The following BCKDHB variants were observed in gnomAD, a reference collection of about 807,000 sequenced individuals.
The protein encoded by BCKDHB is branched chain keto acid dehydrogenase E1 subunit beta, also known as 2-oxoisovalerate dehydrogenase subunit beta, mitochondrial.
In BCKDHB, 41 loss-of-function variants were observed where a neutral mutation model predicts 48.5. That is an observed-to-expected ratio of 0.85 (90% CI 0.66 to 1.10). BCKDHB has a LOEUF of 1.10. Ranked by LOEUF, BCKDHB falls within the 50% of genes least tolerant of loss-of-function variation. BCKDHB has a pLI of 0.00. For missense variants in BCKDHB, 496 were observed against 494.2 expected (o/e 1.00, Z -0.03); for synonymous variants, 201 against 174.8 (o/e 1.15, Z -1.18).
At chr6:80,296,160 T>C (rs1219185253) in intron 9 of BCKDHB, among the ~76,000 whole-genome samples, 1 of 152,182 alleles carries the variant, frequency 6.6e-6, no homozygotes, top group Admixed American at 6.5e-5. Context: ...TTTTTACCTC[T>C]ATTCTAATGT....
intron 3 of BCKDHB, among the ~76,000 whole-genome samples, chr6:80,138,514 A>G (rs897133994): frequency 1.0e-3 from 156 of 152,060 alleles, no homozygotes; most frequent in Non-Finnish European, 1.4e-3. Flanking sequence ...TCATTGTTCA[A>G]TTCCCACCTA....
chr6:80,107,983 T>C (rs1295745082), intron 1 of BCKDHB, among the ~76,000 whole-genome samples: 2 of 152,168 alleles, frequency 1.3e-5, no homozygotes, highest in Non-Finnish European at 2.9e-5. Flanking sequence ...GTCTTGTGGA[T>C]AAGAATGAAC....
chr6:80,219,636 C>T (rs1775324141), intron 8 of BCKDHB, among the ~76,000 whole-genome samples: 1 of 152,298 alleles, frequency 6.6e-6, no homozygotes, highest in East Asian at 1.9e-4. Context: ...GCGATTTGCT[C>T]TTCCATGGTT....
At chr6:80,237,184 G>A (rs1265120486) in intron 8 of BCKDHB, among the ~76,000 whole-genome samples, 1 of 152,112 alleles carries the variant, frequency 6.6e-6, no homozygotes, top group Non-Finnish European at 1.5e-5. Context: ...TAGAGCAATA[G>A]GATTTTACAC....
intron 8 of BCKDHB, among the ~76,000 whole-genome samples, chr6:80,270,010 TAGAA>T (rs771250735): frequency 6.6e-6 from 1 of 152,084 alleles, no homozygotes; most frequent in South Asian, 2.1e-4. Flanking sequence ...ATAGACAGAA[TAGAA>T]AGAAATAACA....
chr6:80,433,750 C>G, the BCKDHB span, among the ~76,000 whole-genome samples: 547 of 152,032 alleles, frequency 3.6e-3, 2 homozygotes, highest in Admixed American at 5.2e-3. Context: ...CGATGTCTGT[C>G]CTCTGGCTGA....
chr6:80,206,001 G>A (rs904468158), intron 8 of BCKDHB, among the ~76,000 whole-genome samples: 1 of 152,050 alleles, frequency 6.6e-6, no homozygotes, highest in Non-Finnish European at 1.5e-5. Context: ...TTGTGGGGCT[G>A]TAGTGACAAA....
At chr6:80,303,661 G>C (rs1767702049) in intron 9 of BCKDHB, among the ~76,000 whole-genome samples, 1 of 152,098 alleles carries the variant, frequency 6.6e-6, no homozygotes, top group African/African-American at 2.4e-5. Context: ...GTGTGTGTGT[G>C]TGTGTGATCT....
intron 6 of BCKDHB, among the ~76,000 whole-genome samples, chr6:80,178,422 G>C (rs534100518): frequency 6.6e-6 from 1 of 152,132 alleles, no homozygotes. Context: ...AATATCCTTC[G>C]TTAATAGCAC....
At chr6:80,432,222 G>A in the BCKDHB span, among the ~76,000 whole-genome samples, 817 of 152,064 alleles carry the variant, frequency 5.4e-3, 5 homozygotes, top group Middle Eastern at 0.01. Flanking sequence ...TTTGAATGTT[G>A]GCCTGCCTTG....
chr6:80,217,743 A>G (rs1459314030), intron 8 of BCKDHB, among the ~76,000 whole-genome samples: 1 of 152,232 alleles, frequency 6.6e-6, no homozygotes, highest in African/African-American at 2.4e-5. Context: ...TGGAGTATAT[A>G]CATTTCTGCA....
chr6:80,343,266 G>T (rs1770014400), intron 9 of BCKDHB, among the ~76,000 whole-genome samples: 1 of 152,198 alleles, frequency 6.6e-6, no homozygotes, highest in Admixed American at 6.5e-5. Flanking sequence ...AGTAATACAT[G>T]TGCATTGTAT....
At chr6:80,218,044 T>C (rs1775252072) in intron 8 of BCKDHB, among the ~76,000 whole-genome samples, 1 of 152,196 alleles carries the variant, frequency 6.6e-6, no homozygotes, top group Non-Finnish European at 1.5e-5. Flanking sequence ...GCGCTGTGGC[T>C]CTGCTTTGCG....
At chr6:80,396,816 A>G in the BCKDHB span, among the ~76,000 whole-genome samples, 1 of 152,152 alleles carries the variant, frequency 6.6e-6, no homozygotes, top group South Asian at 2.1e-4. Flanking sequence ...AAGTTTCCTG[A>G]GGCCTTCCAA....
chr6:80,295,017 A>T (rs1016314303), intron 9 of BCKDHB, among the ~76,000 whole-genome samples: 11 of 152,030 alleles, frequency 7.2e-5, no homozygotes, highest in African/African-American at 2.7e-4. Context: ...CCCTTAATAA[A>T]ACACTTGCTG....
the BCKDHB span, among the ~76,000 whole-genome samples, chr6:80,361,371 T>C: frequency 6.6e-6 from 1 of 152,220 alleles, no homozygotes; most frequent in Non-Finnish European, 1.5e-5. Context: ...GCACTGCATG[T>C]GGAGGGCTGG....
the BCKDHB span, among the ~76,000 whole-genome samples, chr6:80,405,208 C>A: frequency 1.3e-5 from 2 of 152,060 alleles, no homozygotes; most frequent in Admixed American, 1.3e-4. Context: ...CTTTACATAT[C>A]TAGGTACTCC....
chr6:80,445,835 C>T, the BCKDHB span, among the ~76,000 whole-genome samples: 1 of 152,010 alleles, frequency 6.6e-6, no homozygotes, highest in Non-Finnish European at 1.5e-5. Context: ...TTTATTATTC[C>T]CCCAGCAAAC....
At chr6:80,206,628 CAATA>C (rs1774677356) in intron 8 of BCKDHB, among the ~76,000 whole-genome samples, 1 of 151,410 alleles carries the variant, frequency 6.6e-6, no homozygotes, top group Non-Finnish European at 1.5e-5. Context: ...ATATATCTGA[CAATA>C]AGAACTCAAT....
Sources: gnomAD v4.1 joint callset for allele counts (sites outside exome capture counted in the v4.1 genomes callset) on GRCh38, gnomAD v4.1.1 for gene constraint, MANE v1.5 for transcripts, NCBI Gene and HGNC (gene_info 2026-07-23, HGNC 2026-07-21) for gene names.